ZBTB20: variants seen among roughly 807,000 people sequenced by gnomAD.
ZBTB20 encodes zinc finger and BTB domain containing 20, also known as zinc finger and BTB domain-containing protein 20.
A neutral mutation model predicts 56.9 loss-of-function variants in ZBTB20; 9 were observed. The ratio of observed to expected loss-of-function variants is 0.16; its 90% CI spans 0.10 to 0.28. The LOEUF (loss-of-function observed/expected upper bound fraction) is 0.28. Among genes scored for constraint, ZBTB20 ranks in the 10% least tolerant of loss-of-function variants. The probability of loss-of-function intolerance (pLI) is 1.00; values close to 1 mark genes in which losing one functional copy is unlikely to be tolerated. For synonymous variants in ZBTB20, 417 were observed against 420.7 expected (o/e 0.99, Z 0.11); for missense variants, 655 against 1,003.0 (o/e 0.65, Z 4.69).
chr3:114,720,184 C>A (rs2108489736), intron 5 of ZBTB20, among the ~76,000 whole-genome samples: 1 of 148,952 alleles, frequency 6.7e-6, no homozygotes, highest in Non-Finnish European at 1.5e-5. Flanking sequence ...TTTTCTTATA[C>A]ATCTAGTACA....
chr3:114,675,236 ATTGTCTGAAAGACACAGC>A (rs1362026238), intron 6 of ZBTB20, among the ~76,000 whole-genome samples: 1 of 150,870 alleles, frequency 6.6e-6, no homozygotes, highest in Non-Finnish European at 1.5e-5. Context: ...AACTGACAGC[ATTGTCTGAAAGACACAGC>A]TTGGGAAAAT....
rs2079258635 is a variant in ZBTB20, at chr3:114,331,593, CAT to C, written c.*7410_*7411del. 3 of 152,190 alleles carry C rather than the reference CAT, an allele frequency of 2.0e-5. No individual in the cohort carries two copies. The highest frequency in any genetic ancestry group is 6.5e-5 in the Admixed American group (1 of 15,284). The allele number at this position is 152,190 out of a possible 1,614,324, so 9.4% of individuals were successfully genotyped here. On this transcript the variant is annotated 3_prime_UTR_variant, in exon 12 of 12. Coordinates refer to ENST00000675478, the MANE Select transcript of ZBTB20 (RefSeq NM_001348800.3). Reference sequence around the variant, plus strand: ...ATACACAAACACACACATGTGCACACATGTCAATAAATCCAATAGAACTGTAG... The same window carrying C: ...ATACACAAACACACACATGTGCACACGTCAATAAATCCAATAGAACTGTAG...
chr3:114,438,710 T>A (rs1423595560), intron 7 of ZBTB20, among the ~76,000 whole-genome samples: 1 of 152,114 alleles, frequency 6.6e-6, no homozygotes, highest in Non-Finnish European at 1.5e-5. Context: ...CAAGACCAGC[T>A]CTATAATTTG....
chr3:114,893,628 C>T (rs975224488), intron 4 of ZBTB20, among the ~76,000 whole-genome samples: 4 of 151,946 alleles, frequency 2.6e-5, no homozygotes, highest in African/African-American at 7.3e-5. Flanking sequence ...AATTTTGTGA[C>T]TCTTCACTCC....
intron 4 of ZBTB20, among the ~76,000 whole-genome samples, chr3:114,884,535 A>C (rs627402): frequency 2.6e-5 from 4 of 152,058 alleles, no homozygotes; most frequent in Non-Finnish European, 5.9e-5. Flanking sequence ...CATTAAACTA[A>C]GGAAAATTCA....
chr3:114,516,149 A>C (rs1451159597), intron 6 of ZBTB20, among the ~76,000 whole-genome samples: 1 of 152,006 alleles, frequency 6.6e-6, no homozygotes, highest in Non-Finnish European at 1.5e-5. Context: ...CATCCTTGCT[A>C]TACTCATTTA....
chr3:114,817,611 A>G (rs1026684392), intron 4 of ZBTB20, among the ~76,000 whole-genome samples: 5 of 151,920 alleles, frequency 3.3e-5, no homozygotes, highest in Non-Finnish European at 5.9e-5. Context: ...ATATGCCTCT[A>G]TAAAAATAAA....
chr3:114,344,165 G>A (rs190019884), intron 11 of ZBTB20, among the ~76,000 whole-genome samples: 1 of 152,360 alleles, frequency 6.6e-6, no homozygotes, highest in African/African-American at 2.4e-5. Context: ...GAGGCTAAGA[G>A]GGACTGCCTA....
chr3:114,360,816 T>C (rs1195369871), intron 10 of ZBTB20, among the ~76,000 whole-genome samples: 2 of 151,928 alleles, frequency 1.3e-5, no homozygotes, highest in South Asian at 2.1e-4. Flanking sequence ...GTTAAGAGAG[T>C]AGCTGAAATT....
At chr3:115,021,190 T>C (rs1364962018) in intron 2 of ZBTB20, among the ~76,000 whole-genome samples, 1 of 151,046 alleles carries the variant, frequency 6.6e-6, no homozygotes, top group Non-Finnish European at 1.5e-5. Flanking sequence ...AAAGTCTTAA[T>C]TGTTCTTTTC....
intron 6 of ZBTB20, among the ~76,000 whole-genome samples, chr3:114,620,380 C>A (rs946138874): frequency 3.3e-5 from 5 of 152,086 alleles, no homozygotes; most frequent in African/African-American, 1.2e-4. Context: ...GCAATCTCCA[C>A]CTCCTAGGTT....
chr3:114,890,873 G>A (rs1259530594), intron 4 of ZBTB20, among the ~76,000 whole-genome samples: 1 of 151,952 alleles, frequency 6.6e-6, no homozygotes, highest in African/African-American at 2.4e-5. Context: ...AGGTCTATTC[G>A]TTATCTTTGA....
chr3:114,946,500 C>A (rs1215559946), intron 3 of ZBTB20, among the ~76,000 whole-genome samples: 1 of 144,924 alleles, frequency 6.9e-6, no homozygotes, highest in Non-Finnish European at 1.5e-5. Context: ...TGAAAAAGGA[C>A]AAATAACCTT....
chr3:114,488,172 C>G (rs2042345513), intron 7 of ZBTB20, among the ~76,000 whole-genome samples: 1 of 152,168 alleles, frequency 6.6e-6, no homozygotes, highest in Non-Finnish European at 1.5e-5. Flanking sequence ...CTTTGCTTCC[C>G]ACAACACTCC....
At position 114,338,870 on chromosome 3, in the gene ZBTB20, A is replaced by C. The variant is rs1041921260; in HGVS notation, c.*135T>G. 1 of 1,083,250 alleles carries C rather than the reference A, an allele frequency of 9.2e-7. No homozygotes were observed. The highest frequency in any genetic ancestry group is 1.6e-5 in the African/African-American group (1 of 63,294). 67.1% of individuals were successfully genotyped at this position (1,083,250 alleles called of 1,614,324 possible). ...ACAGTTCTTCATGTAGTACAAAATGAAACGAAACAAAAACAAAAACAGAAA... is the reference window on the plus strand; with the variant it reads ...ACAGTTCTTCATGTAGTACAAAATGCAACGAAACAAAAACAAAAACAGAAA... On this transcript the variant is annotated 3_prime_UTR_variant, in exon 12 of 12. Transcript: ENST00000675478.
intron 1 of ZBTB20, among the ~76,000 whole-genome samples, chr3:115,113,810 A>G (rs780972203): frequency 9.2e-5 from 14 of 152,146 alleles, no homozygotes; most frequent in Non-Finnish European, 1.6e-4. Flanking sequence ...GCTCTGGATA[A>G]CAAAACTTTC....
At chr3:114,501,465 A>C (rs1387826034) in intron 6 of ZBTB20, among the ~76,000 whole-genome samples, 1 of 151,742 alleles carries the variant, frequency 6.6e-6, no homozygotes, top group African/African-American at 2.4e-5. Context: ...GTTTCTACTA[A>C]AACTACAAAA....
At chr3:114,665,689 A>G (rs926490516) in intron 6 of ZBTB20, among the ~76,000 whole-genome samples, 5 of 152,072 alleles carry the variant, frequency 3.3e-5, no homozygotes, top group African/African-American at 7.2e-5. Context: ...GACAGTCATT[A>G]AAGAGTTTAA....
At chr3:114,966,849 A>T (rs978645623) in intron 3 of ZBTB20, among the ~76,000 whole-genome samples, 90 of 152,248 alleles carry the variant, frequency 5.9e-4, no homozygotes, top group Middle Eastern at 3.4e-3. Context: ...ATATTTTTTT[A>T]AAAAATCTTT....
Sources: gnomAD v4.1 joint callset for allele counts (sites outside exome capture counted in the v4.1 genomes callset) on GRCh38, gnomAD v4.1.1 for gene constraint, MANE v1.5 for transcripts, NCBI Gene and HGNC (gene_info 2026-07-23, HGNC 2026-07-21) for gene names.